Variants in MYLK observed in about 807,000 individuals in gnomAD.
MYLK encodes myosin light chain kinase, smooth muscle.
Under a neutral mutation model 203.4 loss-of-function variants are expected in MYLK, and 106 were observed. The observed-to-expected ratio is 0.52, with a 90% CI of 0.45 to 0.61. The LOEUF (loss-of-function observed/expected upper bound fraction) is 0.61, where lower values mean the gene tolerates loss of function less well. Ranked by LOEUF, MYLK falls within the 20% of genes least tolerant of loss-of-function variation. MYLK has a pLI of 0.00. For missense variants in MYLK, 2,072 were observed against 2,442.3 expected (o/e 0.85, Z 3.20); for synonymous variants, 867 against 959.5 (o/e 0.90, Z 1.78).
rs1464489033 is a variant in MYLK, at chr3:123,700,858, T to C, written c.2610A>G (p.Arg870=). The change falls in exon 18 of 34, where the codon CGA becomes CGG. Residue 870 remains arginine (R), a synonymous_variant. Coordinates refer to ENST00000360304, the MANE Select transcript of MYLK (RefSeq NM_053025.4). ...WLEEEDGEDV[R]GVLKRRVETR... ...TCTCCACGCGCCTCTTCAGCACCCC[T>C]CGCACGTCCTCGCCGTCTTCCTCCT... 2.5e-6 allele frequency: 4 copies of C among 1,613,534 alleles called. No homozygotes were observed. The Admixed American group carries it at 5.0e-5, about 20-fold the overall frequency.
chr3:123,795,673 C>T (rs1182384542), intron 3 of MYLK, among the ~76,000 whole-genome samples: 3 of 152,214 alleles, frequency 2.0e-5, no homozygotes, highest in East Asian at 3.8e-4. Context: ...GTCCCTGTCC[C>T]AGGTTCCAAG....
chr3:123,647,907 C>G (rs558020891), intron 26 of MYLK, among the ~76,000 whole-genome samples: 11 of 152,258 alleles, frequency 7.2e-5, no homozygotes, highest in Non-Finnish European at 1.6e-4. Flanking sequence ...CTGATGGCAT[C>G]TCTTCCCCTC....
chr3:123,694,035 C>T (rs1363685366), intron 18 of MYLK, among the ~76,000 whole-genome samples: 1 of 152,214 alleles, frequency 6.6e-6, no homozygotes, highest in Non-Finnish European at 1.5e-5. Flanking sequence ...CCCCATTACA[C>T]AAATGCACAG....
At position 123,638,131 on chromosome 3, in the gene MYLK, T is replaced by C; in HGVS notation, c.4901A>G (p.Asn1634Ser). 1 of 1,614,160 alleles carries C rather than the reference T, an allele frequency of 6.2e-7. No homozygotes were observed. The highest frequency in any genetic ancestry group is 8.5e-7 in the Non-Finnish European group (1 of 1,180,024). The change falls in exon 29 of 34, where the codon AAC becomes AGC. Residue 1634 changes from asparagine to serine, a missense_variant. By Grantham distance (46) the Asn-to-Ser change is conservative (BLOSUM62 1). Transcript: ENST00000360304. ...TGTGGCGTAGCCGATGGGCTCATAG[T>C]TGATCACTTCAGGAGCCACAAATTC... ...TPEFVAPEVI[N>S]YEPIGYATDM...
Position 123,794,372 on chromosome 3 carries a change from G to A in MYLK, c.-3-528C>T, listed in dbSNP as rs372218346. On this transcript the variant is annotated intron_variant, in intron 3 of 33. Coordinates refer to ENST00000360304, the MANE Select transcript of MYLK (RefSeq NM_053025.4). ...GGTTAATATGGCAAGGACCCTGGGT[G>A]AGGTAAAGGGAGAGTCTTGGCTGAA... Among the ~76,000 whole-genome samples, 6 of 152,298 alleles carry A rather than the reference G, an allele frequency of 3.9e-5. No individual in the cohort carries two copies. The East Asian group carries it at 5.8e-4, about 15-fold the overall frequency.
chr3:123,824,920 G>T (rs746470977), intron 3 of MYLK, among the ~76,000 whole-genome samples: 5 of 152,028 alleles, frequency 3.3e-5, no homozygotes, highest in Non-Finnish European at 5.9e-5. Context: ...AGGCTGAGGT[G>T]GGAGGATTGC....
intron 23 of MYLK, among the ~76,000 whole-genome samples, chr3:123,663,075 A>ACT (rs368436437): frequency 2.0e-5 from 3 of 151,674 alleles, no homozygotes; most frequent in Admixed American, 1.3e-4. Flanking sequence ...CATAGAGTCT[A>ACT]CTCTCTCTCT....
chr3:123,848,638 T>C (rs556484044), intron 2 of MYLK, among the ~76,000 whole-genome samples: 17 of 152,298 alleles, frequency 1.1e-4, no homozygotes, highest in African/African-American at 3.8e-4. Context: ...TAATTAAAGG[T>C]AGCCAACTCA....
At chr3:123,838,830 C>G (rs2066528376) in intron 2 of MYLK, among the ~76,000 whole-genome samples, 1 of 152,160 alleles carries the variant, frequency 6.6e-6, no homozygotes, top group Non-Finnish European at 1.5e-5. Flanking sequence ...TGTGGTGGCT[C>G]ATGTCTGTAA....
At chr3:123,773,319 G>C (rs867458158) in intron 4 of MYLK, among the ~76,000 whole-genome samples, 14 of 152,152 alleles carry the variant, frequency 9.2e-5, no homozygotes, top group Admixed American at 2.6e-4. Flanking sequence ...TGTGTAAATA[G>C]CTGTCATCAC....
chr3:123,777,678 C>T (rs765751657), intron 4 of MYLK, among the ~76,000 whole-genome samples: 23 of 152,202 alleles, frequency 1.5e-4, no homozygotes, highest in Non-Finnish European at 1.8e-4. Flanking sequence ...GGGTGTGGAG[C>T]AGACGATAGT....
chr3:123,834,357 TA>T (rs2066423406), intron 2 of MYLK, among the ~76,000 whole-genome samples: 1 of 152,204 alleles, frequency 6.6e-6, no homozygotes, highest in South Asian at 2.1e-4. Flanking sequence ...CAGAGTTTGG[TA>T]ACTTTTTAAT....
intron 4 of MYLK, among the ~76,000 whole-genome samples, chr3:123,764,138 A>G (rs1024036777): frequency 6.6e-6 from 1 of 152,346 alleles, no homozygotes. Context: ...CTTAATAGAC[A>G]TAACATCTTA....
chr3:123,827,694 C>CATAT lies in MYLK; in HGVS notation c.-4+3850_-4+3853dup, dbSNP rs3052386. Reference sequence around the variant, plus strand: ...CTGGAAATGAAAAGATGAAAAACACCATATATATATATATATATATATATA... The same window carrying CATAT: ...CTGGAAATGAAAAGATGAAAAACACCATATATATATATATATATATATATATATA... On this transcript the variant is annotated intron_variant, in intron 3 of 33. Coordinates refer to ENST00000360304, the MANE Select transcript of MYLK (RefSeq NM_053025.4). Among the ~76,000 whole-genome samples, 119 of 24,268 alleles carry CATAT rather than the reference C, an allele frequency of 4.9e-3. 2 individuals carry two copies. Among genetic ancestry groups the CATAT allele is most frequent in the Non-Finnish European group, 7.9e-3 (73 of 9,210 alleles). 15.9% of individuals were successfully genotyped at this position (24,268 alleles called of 152,430 possible).
Position 123,752,416 on chromosome 3 carries a change from G to C in MYLK, c.288C>G (p.Val96=), listed in dbSNP as rs745507138. Residue 96 remains valine, a synonymous_variant, in exon 5 of 34, where the codon GTC becomes GTG. Transcript: ENST00000360304. ...RGTFSLVIHA[V]HEEDRGKYTC... ...TATACTTTCCCCTGTCCTCCTCATGGACAGCATGAATCACAAGGCTGAAAG... is the reference window on the plus strand; with the variant it reads ...TATACTTTCCCCTGTCCTCCTCATGCACAGCATGAATCACAAGGCTGAAAG... The C allele has an allele frequency of 1.1e-5, 17 of 1,614,150 alleles. No individual in the cohort carries two copies. Among genetic ancestry groups the C allele is most frequent in the Middle Eastern group, 1.6e-4 (1 of 6,062 alleles).
chr3:123,639,041 G>A, intron 28 of MYLK: 1 of 985,384 alleles, frequency 1.0e-6, no homozygotes, highest in African/African-American at 1.7e-5. Flanking sequence ...CAGTTATCTG[G>A]TCCTTGGTGG....
chr3:123,739,101 G>A, intron 6 of MYLK, 39 bp from the exon 7 acceptor site: 1 of 1,608,312 alleles, frequency 6.2e-7, no homozygotes, highest in Non-Finnish European at 8.5e-7. Flanking sequence ...CCCAGACAAG[G>A]CAGCAATTCA....
At chr3:123,796,351 G>C (rs1435475128) in intron 3 of MYLK, among the ~76,000 whole-genome samples, 1 of 152,110 alleles carries the variant, frequency 6.6e-6, no homozygotes, top group Non-Finnish European at 1.5e-5. Context: ...TTGAACCCAA[G>C]CACCTGGCGC....
At chr3:123,735,448 T>C in intron 8 of MYLK, 32 bp from the exon 9 acceptor site, 1 of 1,613,894 alleles carries the variant, frequency 6.2e-7, no homozygotes, top group Non-Finnish European at 8.5e-7. Flanking sequence ...GAAAGACTGT[T>C]AGTAGAATGC....
Sources: allele counts gnomAD v4.1 joint callset (sites outside exome capture counted in the v4.1 genomes callset), GRCh38; gene constraint gnomAD v4.1.1; transcripts MANE v1.5; gene names NCBI Gene and HGNC (gene_info 2026-07-23, HGNC 2026-07-21).